The following TRIM25 variants were observed in gnomAD, a reference collection of about 807,000 sequenced individuals.
TRIM25 encodes the protein E3 ubiquitin/ISG15 ligase TRIM25.
Under a neutral mutation model 65.2 loss-of-function variants are expected in TRIM25, and 45 were observed. That is an observed-to-expected ratio of 0.69 (90% CI 0.54 to 0.89). The LOEUF (loss-of-function observed/expected upper bound fraction) is 0.89, where lower values mean the gene tolerates loss of function less well. Among genes scored for constraint, TRIM25 ranks in the 40% least tolerant of loss-of-function variants. TRIM25 has a pLI of 0.00. For missense variants in TRIM25, 714 were observed against 803.7 expected (o/e 0.89, Z 1.35); for synonymous variants, 321 against 340.4 (o/e 0.94, Z 0.63).
intron 8 of TRIM25, among the ~76,000 whole-genome samples, chr17:56,894,379 G>T (rs1909243520): frequency 6.6e-6 from 1 of 152,196 alleles, no homozygotes; most frequent in Non-Finnish European, 1.5e-5. Flanking sequence ...CTCCCAAGTA[G>T]CTGGGATTAT....
chr17:56,898,917 C>CCCAAA, intron 5 of TRIM25, 198 bp downstream of exon 5: 1 of 586,358 alleles, frequency 1.7e-6, no homozygotes, highest in Non-Finnish European at 3.0e-6. Context: ...TTCCAGGCAG[C>CCCAAA]CCAAACGTGC....
At chr17:56,895,896 A>C in intron 6 of TRIM25, 30 bp downstream of exon 6, 1 of 1,609,658 alleles carries the variant, frequency 6.2e-7, no homozygotes, top group Non-Finnish European at 8.5e-7. Flanking sequence ...AGTCTCAAGA[A>C]ACGAACAGTT....
intron 2 of TRIM25, among the ~76,000 whole-genome samples, chr17:56,905,121 G>A (rs1909494393): frequency 6.6e-6 from 1 of 152,132 alleles, no homozygotes; most frequent in African/African-American, 2.4e-5. Context: ...GCTAAAGGTG[G>A]TTCATGGGCA....
rs755624444 is a variant in TRIM25, at chr17:56,913,382, C to T, written c.597+10G>A. The stretch of plus-strand genomic sequence containing the variant: ...AGGCTGCCCTCTGCACCCAGCAGGC[C>T]GTTCCCTACCTCCAGGTCGGCGCTG... On this transcript the variant is annotated intron_variant, in intron 1 of 8. Coordinates refer to ENST00000316881, the MANE Select transcript of TRIM25 (RefSeq NM_005082.5). This position sits in a 1 kb window ranked among gnomAD's most constrained non-coding sequence, Gnocchi z 6.1. The T allele has an allele frequency of 1.2e-5, 18 of 1,549,410 alleles. No individual in the cohort carries two copies. The highest frequency in any genetic ancestry group is 1.5e-5 in the Non-Finnish European group (17 of 1,142,978).
In TRIM25 at chr17:56,896,347, G is replaced by GAA. The variant is rs34296661; in HGVS notation, c.1154-397_1154-396dup. On this transcript the variant is annotated intron_variant, in intron 5 of 8. Transcript: ENST00000316881. Reference sequence around the variant, plus strand: ...AACACAAAAACCAAATAGGGAATCAGAAAAAAAAAAATGCTTGCCAAGGGC... The same window carrying GAA: ...AACACAAAAACCAAATAGGGAATCAGAAAAAAAAAAAAATGCTTGCCAAGGGC... Among the ~76,000 whole-genome samples, 855 of 148,804 alleles carry GAA rather than the reference G, an allele frequency of 5.7e-3. 2 individuals are homozygous for GAA. Among genetic ancestry groups the GAA allele is most frequent in the African/African-American group, 0.01 (408 of 40,732 alleles).
At chr17:56,896,241 T>C (rs1261407777) in intron 5 of TRIM25, among the ~76,000 whole-genome samples, 1 of 151,860 alleles carries the variant, frequency 6.6e-6, no homozygotes, top group East Asian at 1.9e-4. Flanking sequence ...TTTGTCAAAA[T>C]AGATCTAACT....
intron 8 of TRIM25, among the ~76,000 whole-genome samples, chr17:56,894,376 G>A (rs776716983): frequency 5.3e-5 from 8 of 152,200 alleles, no homozygotes; most frequent in South Asian, 2.1e-4. Flanking sequence ...AGCCTCCCAA[G>A]TAGCTGGGAT....
rs1909571049 is a variant in TRIM25 at position 56,908,788 on chromosome 17, T to C, written c.598-225A>G. Reference sequence around the variant, plus strand: ...TTTCAGAGGACAGTACAGACCAGGGTTCCAGTCCCAACTCCCAGCTGTGCA... The same window carrying C: ...TTTCAGAGGACAGTACAGACCAGGGCTCCAGTCCCAACTCCCAGCTGTGCA... On this transcript the variant is annotated intron_variant, in intron 1 of 8. Transcript: ENST00000316881. 8.0e-6 allele frequency: 4 copies of C among 502,166 alleles called. No homozygotes were observed. In the East Asian group the frequency reaches 1.3e-4, roughly 16 times the overall value. 31.1% of individuals were successfully genotyped at this position (502,166 alleles called of 1,614,324 possible). A position where few individuals can be genotyped will look rare whatever the true frequency, so the allele number is the denominator to read the frequency against.
intron 5 of TRIM25, among the ~76,000 whole-genome samples, chr17:56,898,030 C>T (rs1249450949): frequency 6.6e-6 from 1 of 152,204 alleles, no homozygotes; most frequent in Non-Finnish European, 1.5e-5. Flanking sequence ...TCTCATCCCC[C>T]CAACACCAGC....
At chr17:56,900,648 G>A (rs967669691) in intron 4 of TRIM25, among the ~76,000 whole-genome samples, 1 of 152,192 alleles carries the variant, frequency 6.6e-6, no homozygotes, top group Non-Finnish European at 1.5e-5. Flanking sequence ...GTGGGGAAGA[G>A]CAAACACAAA....
intron 5 of TRIM25, among the ~76,000 whole-genome samples, chr17:56,896,337 T>C (rs1426518052): frequency 2.3e-5 from 2 of 87,598 alleles, no homozygotes; most frequent in East Asian, 3.3e-4. Flanking sequence ...AAAAACCAAA[T>C]AGGGAATCAG....
intron 2 of TRIM25, among the ~76,000 whole-genome samples, chr17:56,905,820 G>A (rs76693982): frequency 0.037 from 5,628 of 152,076 alleles, 369 homozygotes; most frequent in African/African-American, 0.13. Flanking sequence ...AAAATTAGAT[G>A]GACTGTATTC....
chr17:56,908,387 T>C (rs1259372677), intron 2 of TRIM25, 81 bp downstream of exon 2: 22 of 1,386,716 alleles, frequency 1.6e-5, no homozygotes, highest in Non-Finnish European at 2.1e-5. Context: ...AGCCTTGTCA[T>C]GGTCAGAGCC....
Position 56,895,388 on chromosome 17 carries a change from C to A in TRIM25, c.1318G>T (p.Val440Leu). Residue 440 changes from valine (V) to leucine (L), a missense_variant, in exon 8 of 9, where the codon GTG becomes TTG. Around this residue, in one of 3 missense-constraint regions of TRIM25, gnomAD observed 413 missense variants for 498.2 expected, o/e 0.83. Coordinates refer to ENST00000316881, the MANE Select transcript of TRIM25 (RefSeq NM_005082.5). ...HPNSTSLKAK[V>L]LETFLAKSRP... is the part of the protein sequence containing the mutation. ...GACTTGGCCAGGAAGGTCTCCAGCA[C>A]CTTGGCCTTGAGAGATGTTGAGTTC... The A allele has an allele frequency of 6.2e-7, 1 of 1,614,142 alleles. No homozygotes were observed. Among genetic ancestry groups the A allele is most frequent in the Non-Finnish European group, 8.5e-7 (1 of 1,180,036 alleles).
At chr17:56,908,361 G>T in intron 2 of TRIM25, 107 bp downstream of exon 2, 1 of 1,039,160 alleles carries the variant, frequency 9.6e-7, no homozygotes, top group Non-Finnish European at 1.5e-6. Flanking sequence ...CTGACACTGT[G>T]AGTGCACCCA....
At chr17:56,895,295 G>A (rs1191838004) in intron 8 of TRIM25, 48 bp downstream of exon 8, 7 of 1,493,402 alleles carry the variant, frequency 4.7e-6, no homozygotes, top group African/African-American at 4.1e-5. Flanking sequence ...GAGCGGCGCA[G>A]GAGAGACAGA....
Position 56,914,017 on chromosome 17 carries a change from C to A in TRIM25, c.-29G>T. ...GCTCCCAGGGGTCGGGACACAACTGCTGCACCCGCGCTCCGAGGCCGCCGA... is the reference window on the plus strand; with the variant it reads ...GCTCCCAGGGGTCGGGACACAACTGATGCACCCGCGCTCCGAGGCCGCCGA... On this transcript the variant is annotated 5_prime_UTR_variant, in exon 1 of 9. Transcript: ENST00000316881. 1 of 1,454,572 alleles carries A rather than the reference C, an allele frequency of 6.9e-7. No individual in the cohort carries two copies. Among genetic ancestry groups the A allele is most frequent in the South Asian group, 1.4e-5 (1 of 70,524 alleles). The allele number at this position is 1,454,572 out of a possible 1,614,324, so 90.1% of individuals were successfully genotyped here.
rs1237861024 is a variant in TRIM25 at position 56,899,193 on chromosome 17, A to C, written c.1088-13T>G. 6.2e-7 allele frequency: 1 copy of C among 1,614,134 alleles called. No homozygotes were observed. Among genetic ancestry groups the C allele is most frequent in the South Asian group, 1.1e-5 (1 of 91,082 alleles). On this transcript the variant is annotated splice_polypyrimidine_tract_variant and intron_variant, in intron 4 of 8. Transcript: ENST00000316881. Reference sequence around the variant, plus strand: ...TCTCCAGGGTCACCTGTGTCAGAGAAGAAGGGCTCAGTGTGTGCGGCTCCT... The same window carrying C: ...TCTCCAGGGTCACCTGTGTCAGAGACGAAGGGCTCAGTGTGTGCGGCTCCT...
Position 56,891,561 on chromosome 17 carries a change from A to AACCC in TRIM25, c.*138_*139insGGGT. On this transcript the variant is annotated 3_prime_UTR_variant, in exon 9 of 9. Transcript: ENST00000316881. ...CTTTCCTGGCTAAATCCCACCTCCC[A>AACCC]CCCTCCCGCCAGCTCCCCTCCCATG... 9 of 229,712 alleles carry AACCC rather than the reference A, an allele frequency of 3.9e-5. No homozygotes were observed. The highest frequency in any genetic ancestry group is 5.9e-5 in the Non-Finnish European group (7 of 117,974). The allele number at this position is 229,712 out of a possible 1,614,324, so 14.2% of individuals were successfully genotyped here. A position where few individuals can be genotyped will look rare whatever the true frequency, so the allele number is the denominator to read the frequency against.
Sources: gnomAD v4.1 joint callset for allele counts (sites outside exome capture counted in the v4.1 genomes callset) on GRCh38, gnomAD v4.1.1 for gene constraint, gnomAD v4.1.1 regional missense constraint, Gnocchi (gnomAD v3.1) non-coding constraint, MANE v1.5 for transcripts, NCBI Gene and HGNC (gene_info 2026-07-23, HGNC 2026-07-21) for gene names.